Variants in NOM1 observed in about 807,000 individuals in gnomAD.
The protein encoded by NOM1 is nucleolar protein with MIF4G domain 1.
A neutral mutation model predicts 73.3 loss-of-function variants in NOM1; 58 were observed. That is an observed-to-expected ratio of 0.79 (90% CI 0.64 to 0.99). The LOEUF (loss-of-function observed/expected upper bound fraction) is 0.99. Among genes scored for constraint, NOM1 ranks in the 50% least tolerant of loss-of-function variants. NOM1 has a pLI of 0.00. For synonymous variants in NOM1, 487 were observed against 446.8 expected (o/e 1.09, Z -1.14); for missense variants, 1,226 against 1,131.9 (o/e 1.08, Z -1.19).
In NOM1 at chr7:156,954,522, C is replaced by CTTTTTTTTT. The variant is rs34176770; in HGVS notation, c.1308+236_1308+244dup. 1.7e-4 allele frequency among the ~76,000 whole-genome samples: 17 copies of CTTTTTTTTT among 101,656 alleles called. 2 individuals are homozygous for CTTTTTTTTT. The highest frequency in any genetic ancestry group is 5.1e-4 in the African/African-American group (13 of 25,284). 66.7% of individuals were successfully genotyped at this position (101,656 alleles called of 152,430 possible). ...ACTTTGCTTTTTTGTTCTGTCCATT[C>CTTTTTTTTT]TTTTTTTTTTTTTTTTTTTTGAGAC... On this transcript the variant is annotated intron_variant, in intron 3 of 10. Transcript: ENST00000275820.
chr7:156,968,521 A>G (rs11761381), intron 9 of NOM1, among the ~76,000 whole-genome samples: 27,049 of 151,846 alleles, frequency 0.18, 2,519 homozygotes, highest in East Asian at 0.28. Flanking sequence ...CTAAGATTGC[A>G]GTGGGTCCAC....
intron 3 of NOM1, among the ~76,000 whole-genome samples, chr7:156,956,776 T>G (rs1804735604): frequency 6.6e-6 from 1 of 152,242 alleles, no homozygotes; most frequent in Non-Finnish European, 1.5e-5. Flanking sequence ...CTCATTTTCA[T>G]GTATGAGCAT....
At chr7:156,964,155 A>T in intron 7 of NOM1, 129 bp downstream of exon 7, 1 of 890,946 alleles carries the variant, frequency 1.1e-6, no homozygotes, top group Middle Eastern at 3.0e-4. Flanking sequence ...TCTCATGACC[A>T]TCCGCTCACG....
At chr7:156,961,754 T>TA (rs1251021339) in intron 4 of NOM1, among the ~76,000 whole-genome samples, 1 of 151,762 alleles carries the variant, frequency 6.6e-6, no homozygotes, top group African/African-American at 2.4e-5. Context: ...GTTTTAAAGT[T>TA]AAAAAAATTA....
In NOM1 at chr7:156,960,179, G is replaced by A. The variant is rs1362202879; in HGVS notation, c.1632+5G>A. On this transcript the variant is annotated splice_donor_5th_base_variant and intron_variant, in intron 4 of 10. Coordinates refer to ENST00000275820, the MANE Select transcript of NOM1 (RefSeq NM_138400.2). ...GAGTTTCAGGACCAGACCAGGGTAC[G>A]CGTGCGACGCTTGATCTGCTTCCTA... 9 of 1,603,928 alleles carry A rather than the reference G, an allele frequency of 5.6e-6. No individual in the cohort carries two copies. Among genetic ancestry groups the A allele is most frequent in the Admixed American group, 3.6e-5 (2 of 56,022 alleles).
At chr7:156,959,803 G>A in intron 3 of NOM1, 48 bp from the exon 4 acceptor site, 1 of 1,552,252 alleles carries the variant, frequency 6.4e-7, no homozygotes, top group East Asian at 2.2e-5. Flanking sequence ...AAGGAGAAAG[G>A]AAGGTTTCTA....
At position 156,969,849 on chromosome 7, in the gene NOM1, C is replaced by A; in HGVS notation, c.*146C>A. The A allele has an allele frequency of 1.3e-6, 1 of 761,204 alleles. No homozygotes were observed. Among genetic ancestry groups the A allele is most frequent in the Non-Finnish European group, 1.9e-6 (1 of 523,242 alleles). The allele number at this position is 761,204 out of a possible 1,614,324, so 47.2% of individuals were successfully genotyped here. On this transcript the variant is annotated 3_prime_UTR_variant, in exon 11 of 11. Coordinates refer to ENST00000275820, the MANE Select transcript of NOM1 (RefSeq NM_138400.2). ...ATTATATTTTGAGATTTTTTTTGAT[C>A]TAAGGTTTTATTGTTTGTATTTCAA...
At chr7:156,962,957 C>A in intron 5 of NOM1, 51 bp from the exon 6 acceptor site, 1 of 1,566,156 alleles carries the variant, frequency 6.4e-7, no homozygotes, top group Non-Finnish European at 8.7e-7. Flanking sequence ...GATGGAAGGA[C>A]GGAATATGAA....
rs1168720389 is a variant in NOM1 at position 156,970,364 on chromosome 7, T to A, written c.*661T>A. 3.3e-5 allele frequency: 5 copies of A among 152,184 alleles called. No homozygotes were observed. Among genetic ancestry groups the A allele is most frequent in the African/African-American group, 4.8e-5 (2 of 41,448 alleles). The allele number at this position is 152,184 out of a possible 1,614,324, so 9.4% of individuals were successfully genotyped here. ...GTTATAAAGAAATTGATGAGGTTTT[T>A]ACCTTTTTAAAATATTGGTTAGAAG... On this transcript the variant is annotated 3_prime_UTR_variant, in exon 11 of 11. Coordinates refer to ENST00000275820, the MANE Select transcript of NOM1 (RefSeq NM_138400.2).
intron 7 of NOM1, chr7:156,966,010 G>A: frequency 2.0e-6 from 1 of 508,612 alleles, no homozygotes; most frequent in Non-Finnish European, 3.5e-6. Context: ...GGGCACAGCT[G>A]TCGACTTTTG....
chr7:156,966,186 C>A, intron 7 of NOM1, 84 bp from the exon 8 acceptor site: 2 of 1,544,876 alleles, frequency 1.3e-6, no homozygotes, highest in Non-Finnish European at 1.8e-6. Context: ...CCCTTCCAGG[C>A]GGGAAGATGT....
chr7:156,968,539 C>A (rs887644777), intron 9 of NOM1, among the ~76,000 whole-genome samples: 2 of 152,042 alleles, frequency 1.3e-5, no homozygotes, highest in African/African-American at 2.4e-5. Context: ...CACGTTGGCG[C>A]CCGTGAGTCT....
intron 3 of NOM1, 36 bp downstream of exon 3, chr7:156,954,334 G>T (rs763659708): frequency 2.0e-6 from 3 of 1,513,884 alleles, no homozygotes; most frequent in Non-Finnish European, 1.8e-6. Context: ...TGTCACTAGT[G>T]TCTCATGGTG....
At chr7:156,957,369 CA>C (rs2134779853) in intron 3 of NOM1, among the ~76,000 whole-genome samples, 1 of 152,220 alleles carries the variant, frequency 6.6e-6, no homozygotes, top group African/African-American at 2.4e-5. Context: ...ATAACTTTAC[CA>C]ACGTGAATTT....
chr7:156,959,548 G>A (rs973976408), intron 3 of NOM1, among the ~76,000 whole-genome samples: 1 of 152,122 alleles, frequency 6.6e-6, no homozygotes, highest in African/African-American at 2.4e-5. Context: ...GGCCAGTAGT[G>A]GAATATTTTG....
intron 10 of NOM1, 30 bp from the exon 11 acceptor site, chr7:156,969,499 C>T (rs1445144616): frequency 6.3e-7 from 1 of 1,595,440 alleles, no homozygotes; most frequent in African/African-American, 1.3e-5. Context: ...CAGCTCAGCC[C>T]TGACATGTGT....
At chr7:156,959,637 G>A (rs10263635) in intron 3 of NOM1, among the ~76,000 whole-genome samples, 118,358 of 152,118 alleles carry the variant, frequency 0.78, 46,134 homozygotes, top group Admixed American at 0.85. Context: ...TGGCCAAACA[G>A]TGCCCCTTGG....
At position 156,955,918 on chromosome 7, in the gene NOM1, C is replaced by T. The variant is rs113248860; in HGVS notation, c.1308+1620C>T. On this transcript the variant is annotated intron_variant, in intron 3 of 10. Coordinates refer to ENST00000275820, the MANE Select transcript of NOM1 (RefSeq NM_138400.2). ...GATGCACATATTTGCCGGCCGGGCGCGGTGGCTCACTCGTGTAATCCCAGC... is the reference window on the plus strand; with the variant it reads ...GATGCACATATTTGCCGGCCGGGCGTGGTGGCTCACTCGTGTAATCCCAGC... Among the ~76,000 whole-genome samples the T allele has an allele frequency of 8.6e-3, 1,302 of 152,244 alleles. 22 individuals carry two copies. The highest frequency in any genetic ancestry group is 0.029 in the African/African-American group (1,197 of 41,532).
Position 156,969,003 on chromosome 7 carries a change from TACTCTAATTA to T in NOM1, c.2299-80_2299-71del, listed in dbSNP as rs538498782. The T allele has an allele frequency of 4.9e-4, 377 of 763,562 alleles. 1 individual carries two copies. In the African/African-American group the frequency reaches 5.7e-3, roughly 12 times the overall value. The allele number at this position is 763,562 out of a possible 1,614,324, so 47.3% of individuals were successfully genotyped here. A position where few individuals can be genotyped will look rare whatever the true frequency, so the allele number is the denominator to read the frequency against. On this transcript the variant is annotated intron_variant, in intron 9 of 10. Transcript: ENST00000275820. ...TGGGGGAAGGGGGGAGATTAATTTT[TACTCTAATTA>T]ACTATATTACAAATCATTGAAAAAG...
Sources: gnomAD v4.1 joint callset for allele counts (sites outside exome capture counted in the v4.1 genomes callset) on GRCh38, gnomAD v4.1.1 for gene constraint, MANE v1.5 for transcripts, NCBI Gene and HGNC (gene_info 2026-07-23, HGNC 2026-07-21) for gene names.